FBN1: variants seen among roughly 807,000 people sequenced by gnomAD.
The protein encoded by FBN1 is fibrillin 1.
Under a neutral mutation model 365.1 loss-of-function variants are expected in FBN1, and 29 were observed. The observed-to-expected ratio is 0.08, with a 90% CI of 0.06 to 0.11. The LOEUF (loss-of-function observed/expected upper bound fraction) is 0.11, where lower values mean the gene tolerates loss of function less well. Among genes scored for constraint, FBN1 ranks in the 10% least tolerant of loss-of-function variants. The pLI, the probability that FBN1 is intolerant of heterozygous loss-of-function variation, is 1.00. For missense variants in FBN1, 2,476 were observed against 3,703.2 expected (o/e 0.67, Z 8.60); for synonymous variants, 1,210 against 1,270.5 (o/e 0.95, Z 1.01).
chr15:48,499,486 A>G (rs2043637298), intron 17 of FBN1, among the ~76,000 whole-genome samples: 1 of 152,110 alleles, frequency 6.6e-6, no homozygotes, highest in Admixed American at 6.5e-5. Context: ...CTCTCTGCAA[A>G]TTCTCTAGCC....
chr15:48,503,649 C>T, intron 17 of FBN1, 138 bp downstream of exon 17: 1 of 1,053,224 alleles, frequency 9.5e-7, no homozygotes, highest in Non-Finnish European at 1.5e-6. Context: ...CACTGGCTGG[C>T]CTCTGCCAAG....
chr15:48,434,469 C>G, intron 54 of FBN1, 125 bp downstream of exon 54: 1 of 1,166,780 alleles, frequency 8.6e-7, no homozygotes, highest in South Asian at 1.3e-5. Context: ...ATCAAATGGC[C>G]CATCAGGCCT....
In FBN1 at chr15:48,515,995, G is replaced by A. The variant is rs974966170; in HGVS notation, c.1327+188C>T. Among the ~76,000 whole-genome samples the A allele has an allele frequency of 3.3e-5, 5 of 152,096 alleles. No individual in the cohort carries two copies. In the East Asian group the frequency reaches 5.8e-4, roughly 18 times the overall value. On this transcript the variant is annotated intron_variant, in intron 11 of 65. Transcript: ENST00000316623. ...ATCTCTGGAGAATAGGAAGCCTCCCGTTTTTCTCTATGCAATAGGAAAATT... is the reference window on the plus strand; with the variant it reads ...ATCTCTGGAGAATAGGAAGCCTCCCATTTTTCTCTATGCAATAGGAAAATT...
rs1464078754 is a variant in FBN1, at chr15:48,548,669, T to C, written c.539-10861A>G. 2.0e-5 allele frequency among the ~76,000 whole-genome samples: 3 copies of C among 152,234 alleles called. No homozygotes were observed. In the South Asian group the frequency reaches 6.2e-4, roughly 31 times the overall value. On this transcript the variant is annotated intron_variant, in intron 6 of 65. Transcript: ENST00000316623. ...CTTGGCCAGACACTGGGGTTTCATC[T>C]AAGGCAGCTAGTTAGATACGTTCGG...
At chr15:48,560,316 C>A (rs541538068) in intron 6 of FBN1, among the ~76,000 whole-genome samples, 1 of 152,138 alleles carries the variant, frequency 6.6e-6, no homozygotes, top group Admixed American at 6.6e-5. Context: ...CACCTACAAG[C>A]CTTATTCAAA....
At chr15:48,617,996 T>C (rs772037811) in intron 2 of FBN1, among the ~76,000 whole-genome samples, 1 of 152,174 alleles carries the variant, frequency 6.6e-6, no homozygotes, top group Non-Finnish European at 1.5e-5. Context: ...TTGTTAGTGA[T>C]TAAACTCTTG....
chr15:48,519,923 C>T (rs994554417), intron 10 of FBN1, among the ~76,000 whole-genome samples: 3 of 152,194 alleles, frequency 2.0e-5, no homozygotes, highest in Middle Eastern at 3.4e-3. Flanking sequence ...ACATCTTTCT[C>T]GACTAACGAA....
At chr15:48,531,413 A>G (rs2043971950) in intron 8 of FBN1, among the ~76,000 whole-genome samples, 1 of 152,192 alleles carries the variant, frequency 6.6e-6, no homozygotes, top group African/African-American at 2.4e-5. Flanking sequence ...GCTAAAGCCA[A>G]TTTGATGGAA....
rs3752688 is a variant in FBN1, at chr15:48,426,041, T to C, written c.7205-177A>G. On this transcript the variant is annotated intron_variant, in intron 58 of 65. Coordinates refer to ENST00000316623, the MANE Select transcript of FBN1 (RefSeq NM_000138.5). ...ATGTAACAGTAGCTATATCAAAAGG[T>C]AAACAAATAACTTCATTAGACTACA... 0.025 allele frequency among the ~76,000 whole-genome samples: 3,753 copies of C among 152,242 alleles called. 80 individuals carry two copies. Among genetic ancestry groups the C allele is most frequent in the East Asian group, 0.081 (421 of 5,166 alleles).
chr15:48,481,619 A>G (rs200967129), intron 32 of FBN1, 36 bp downstream of exon 32: 5 of 1,609,580 alleles, frequency 3.1e-6, no homozygotes, highest in Middle Eastern at 1.6e-4. Flanking sequence ...TCTCTTAACT[A>G]CTTAATATTT....
chr15:48,547,602 G>A (rs1370875076), intron 6 of FBN1, among the ~76,000 whole-genome samples: 3 of 152,080 alleles, frequency 2.0e-5, no homozygotes, highest in African/African-American at 7.2e-5. Flanking sequence ...CAGATAAACG[G>A]CAGGGAGATG....
intron 6 of FBN1, among the ~76,000 whole-genome samples, chr15:48,556,842 T>C (rs910180515): frequency 3.3e-5 from 5 of 152,214 alleles, no homozygotes; most frequent in African/African-American, 1.2e-4. Flanking sequence ...ATACCTGTAA[T>C]TGTCTCAAGC....
chr15:48,526,724 C>T (rs185080337), intron 8 of FBN1, among the ~76,000 whole-genome samples: 45 of 152,264 alleles, frequency 3.0e-4, no homozygotes, highest in African/African-American at 9.9e-4. Flanking sequence ...GGTCTGAGTG[C>T]TGATCCCAAC....
At chr15:48,587,031 A>G (rs1267843545) in intron 6 of FBN1, among the ~76,000 whole-genome samples, 1 of 152,222 alleles carries the variant, frequency 6.6e-6, no homozygotes. Context: ...TGCCTCCCCA[A>G]GAAGACATGG....
chr15:48,542,110 G>A (rs1476720988), intron 6 of FBN1, among the ~76,000 whole-genome samples: 1 of 152,206 alleles, frequency 6.6e-6, no homozygotes, highest in African/African-American at 2.4e-5. Flanking sequence ...ACATGTGTCT[G>A]CAGCCTCTGA....
At chr15:48,492,364 T>G (rs1240378863) in intron 24 of FBN1, 97 bp downstream of exon 24, 2 of 1,245,888 alleles carry the variant, frequency 1.6e-6, no homozygotes, top group Non-Finnish European at 2.3e-6. Flanking sequence ...AGTGTGTGTC[T>G]GTACCTGAAG....
At chr15:48,499,571 T>C (rs902675466) in intron 17 of FBN1, among the ~76,000 whole-genome samples, 2 of 152,208 alleles carry the variant, frequency 1.3e-5, no homozygotes, top group African/African-American at 2.4e-5. Context: ...TGTATCAGGA[T>C]ACTGGATTCA....
chr15:48,580,603 T>A (rs2044384071), intron 6 of FBN1, among the ~76,000 whole-genome samples: 1 of 152,076 alleles, frequency 6.6e-6, no homozygotes, highest in African/African-American at 2.4e-5. Context: ...AAAAGAAACA[T>A]CTACTTTAGG....
intron 2 of FBN1, among the ~76,000 whole-genome samples, chr15:48,639,892 T>C (rs1890168173): frequency 1.3e-5 from 2 of 152,312 alleles, no homozygotes; most frequent in Non-Finnish European, 1.5e-5. Context: ...TATTTTCACA[T>C]TGAAAATAAA....
Sources: allele counts gnomAD v4.1 joint callset (sites outside exome capture counted in the v4.1 genomes callset), GRCh38; gene constraint gnomAD v4.1.1; transcripts MANE v1.5; gene names NCBI Gene and HGNC (gene_info 2026-07-23, HGNC 2026-07-21).